GNB1L: variants seen among roughly 807,000 people sequenced by gnomAD.
The protein encoded by GNB1L is guanine nucleotide-binding protein subunit beta-like protein 1.
Under a neutral mutation model 29.1 loss-of-function variants are expected in GNB1L, and 20 were observed. That is an observed-to-expected ratio of 0.69 (90% CI 0.48 to 1.00). GNB1L has a LOEUF of 1.00. Among genes scored for constraint, GNB1L ranks in the 50% least tolerant of loss-of-function variants. GNB1L has a pLI of 0.00. For missense variants in GNB1L, 421 were observed against 464.9 expected (o/e 0.91, Z 0.87); for synonymous variants, 193 against 206.5 (o/e 0.93, Z 0.56).
intron 7 of GNB1L, among the ~76,000 whole-genome samples, chr22:19,798,584 T>C (rs1357190370): frequency 6.6e-6 from 1 of 152,186 alleles, no homozygotes; most frequent in Non-Finnish European, 1.5e-5. Context: ...GATCTTCACC[T>C]GTGGAGGCTG....
chr22:19,810,566 G>A (rs539639997), intron 5 of GNB1L, among the ~76,000 whole-genome samples: 1 of 152,288 alleles, frequency 6.6e-6, no homozygotes. Context: ...CCTCAGCCCG[G>A]GGCTGCCCCT....
chr22:19,841,144 A>G (rs979577370), intron 2 of GNB1L, among the ~76,000 whole-genome samples: 5 of 152,284 alleles, frequency 3.3e-5, no homozygotes, highest in East Asian at 3.9e-4. Flanking sequence ...GTCACTAACA[A>G]TGCATCAATC....
chr22:19,844,305 C>T (rs970011842), intron 2 of GNB1L, among the ~76,000 whole-genome samples: 1 of 152,268 alleles, frequency 6.6e-6, no homozygotes, highest in African/African-American at 2.4e-5. Flanking sequence ...TCCCCCGAGG[C>T]ACTGCCAGTC....
intron 2 of GNB1L, among the ~76,000 whole-genome samples, chr22:19,836,749 T>C (rs926041640): frequency 6.6e-6 from 1 of 152,202 alleles, no homozygotes; most frequent in Admixed American, 6.5e-5. Context: ...ATCTCAGGAA[T>C]GCAAAGCTGA....
chr22:19,849,873 C>A, intron 2 of GNB1L: 1 of 985,474 alleles, frequency 1.0e-6, no homozygotes, highest in Non-Finnish European at 1.2e-6. Context: ...GGCGGCTGTA[C>A]CTGCCTATCC....
intron 2 of GNB1L, chr22:19,846,721 TGA>T (rs1377983623): frequency 2.8e-6 from 1 of 357,616 alleles, no homozygotes; most frequent in African/African-American, 2.2e-5. Flanking sequence ...AGTGAGCTTA[TGA>T]GAGATTAGGA....
rs778652330 is a variant in GNB1L, at chr22:19,821,391, G to A, written c.-20-16C>T. 6.2e-7 allele frequency: 1 copy of A among 1,606,692 alleles called. No homozygotes were observed. The highest frequency in any genetic ancestry group is 1.1e-5 in the South Asian group (1 of 90,860). On this transcript the variant is annotated splice_polypyrimidine_tract_variant and intron_variant, in intron 2 of 7. Coordinates refer to ENST00000329517, the MANE Select transcript of GNB1L (RefSeq NM_053004.3). Reference sequence around the variant, plus strand: ...ATGCAGTTACCTGGGCACCAAGGGAGGGCGTGTGAGTGACTGCGTCCCTAT... The same window carrying A: ...ATGCAGTTACCTGGGCACCAAGGGAAGGCGTGTGAGTGACTGCGTCCCTAT...
At chr22:19,821,129 C>T in intron 3 of GNB1L, 99 bp downstream of exon 3, 1 of 1,253,744 alleles carries the variant, frequency 8.0e-7, no homozygotes, top group Non-Finnish European at 1.1e-6. Context: ...AGTCCATGCC[C>T]CTTGGCCAGC....
intron 2 of GNB1L, among the ~76,000 whole-genome samples, chr22:19,826,845 C>T: frequency 6.6e-6 from 1 of 152,156 alleles, no homozygotes; most frequent in South Asian, 2.1e-4. Flanking sequence ...CAACAATGCT[C>T]AACCTCAATC....
At chr22:19,851,141 C>T (rs1411325521) in intron 2 of GNB1L, 1 of 1,560,080 alleles carries the variant, frequency 6.4e-7, no homozygotes. Context: ...TCATGAGGGG[C>T]AGCATTGTTC....
chr22:19,853,723 G>A (rs1193069057), intron 2 of GNB1L, among the ~76,000 whole-genome samples: 1 of 152,026 alleles, frequency 6.6e-6, no homozygotes, highest in Non-Finnish European at 1.5e-5. Flanking sequence ...CCCTCTGGGG[G>A]GGGGGTCTTC....
chr22:19,802,027 T>G lies in GNB1L; in HGVS notation c.706A>C (p.Ser236Arg). ...GSAGKALAVW[S>R]LDWQQALQVR... ...TGCAGGGCCTGCTGCCAGTCCAGGCTCCAGACAGCCAGCGCCTTCCCCGCG... is the reference window on the plus strand; with the variant it reads ...TGCAGGGCCTGCTGCCAGTCCAGGCGCCAGACAGCCAGCGCCTTCCCCGCG... Residue 236 changes from serine to arginine, a missense_variant, in exon 7 of 8, where the codon AGC (serine) becomes CGC (arginine). Transcript: ENST00000329517. The G allele has an allele frequency of 6.2e-7, 1 of 1,600,606 alleles. No homozygotes were observed. The highest frequency in any genetic ancestry group is 8.5e-7 in the Non-Finnish European group (1 of 1,174,100).
chr22:19,851,317 G>A, intron 2 of GNB1L: 3 of 1,614,126 alleles, frequency 1.9e-6, no homozygotes, highest in Non-Finnish European at 2.5e-6. Context: ...GATGAGCTGG[G>A]TCTGGTCTCT....
chr22:19,806,507 G>A (rs893189709), intron 6 of GNB1L, 152 bp downstream of exon 6: 14 of 602,744 alleles, frequency 2.3e-5, no homozygotes, highest in Middle Eastern at 4.4e-4. Flanking sequence ...GCAGAGGGCC[G>A]TGGGGACACT....
chr22:19,825,265 T>C (rs1937611164), intron 2 of GNB1L, among the ~76,000 whole-genome samples: 1 of 152,194 alleles, frequency 6.6e-6, no homozygotes, highest in Non-Finnish European at 1.5e-5. Context: ...AGCACCCCTT[T>C]ACACCAGGAC....
intron 2 of GNB1L, chr22:19,847,809 A>AG: frequency 4.5e-6 from 4 of 891,222 alleles, no homozygotes; most frequent in Non-Finnish European, 5.3e-6. Context: ...ATAGGCAAAA[A>AG]AAAAAAAAAA....
At chr22:19,850,884 C>G in intron 2 of GNB1L, 3 of 1,333,258 alleles carry the variant, frequency 2.3e-6, no homozygotes, top group East Asian at 2.7e-5. Flanking sequence ...AAACGACCCC[C>G]TCGTGGGAGC....
At position 19,783,535 on chromosome 22, in the gene GNB1L, G is replaced by A; in HGVS notation, c.*5174C>T. 1 of 190,496 alleles carries A rather than the reference G, an allele frequency of 5.2e-6. No individual in the cohort carries two copies. The highest frequency in any genetic ancestry group is 1.0e-4 in the South Asian group (1 of 9,948). 11.8% of individuals were successfully genotyped at this position (190,496 alleles called of 1,614,324 possible). Reference sequence around the variant, plus strand: ...ACTGCACTCCAGCCTGGGTGACAGAGTGAGACCCCCACTGTCCCTGGTCTC... The same window carrying A: ...ACTGCACTCCAGCCTGGGTGACAGAATGAGACCCCCACTGTCCCTGGTCTC... On this transcript the variant is annotated 3_prime_UTR_variant, in exon 8 of 8. Transcript: ENST00000329517.
At chr22:19,848,761 G>A (rs1023404243) in intron 2 of GNB1L, 1 of 985,492 alleles carries the variant, frequency 1.0e-6, no homozygotes, top group Non-Finnish European at 1.2e-6. Context: ...GGGTCCCAAG[G>A]GCACAAAAGC....
Sources: allele counts gnomAD v4.1 joint callset (sites outside exome capture counted in the v4.1 genomes callset), GRCh38; gene constraint gnomAD v4.1.1; transcripts MANE v1.5; gene names NCBI Gene and HGNC (gene_info 2026-07-23, HGNC 2026-07-21).